Variants in AP3D1 observed in about 807,000 individuals in gnomAD.
AP3D1 encodes the protein adaptor related protein complex 3 subunit delta 1.
Under a neutral mutation model 147.6 loss-of-function variants are expected in AP3D1, and 51 were observed. The observed-to-expected ratio is 0.35, with a 90% CI of 0.28 to 0.44. The LOEUF (loss-of-function observed/expected upper bound fraction) is 0.44. AP3D1 is among the 20% of genes least tolerant of loss of function. AP3D1 has a pLI of 1.00. For synonymous variants in AP3D1, 760 were observed against 663.0 expected, an observed-to-expected ratio of 1.15 and a Z score of -2.25; for missense variants, 1,421 against 1,624.2, an observed-to-expected ratio of 0.87 and a Z score of 2.15.
rs752728639 is a variant in AP3D1, at chr19:2,102,216, C to G, written c.3605G>C (p.Ser1202Thr). The G allele has an allele frequency of 3.1e-6, 5 of 1,614,010 alleles. No homozygotes were observed. The East Asian group carries it at 1.1e-4, about 36-fold the overall frequency. Residue 1202 changes from serine to threonine, a missense_variant, in exon 32 of 32, where the codon AGC becomes ACC. Physicochemically the swap from Ser to Thr is moderately conservative, Grantham distance 58 (BLOSUM62 1). Around this residue, in one of 6 missense-constraint regions of AP3D1, gnomAD observed 17 missense variants for 17.5 expected, o/e 0.97. Transcript: ENST00000643116. ...CGCCTTCATCTCTTCTAACAAGTTGCTCAGTAGCGTGGAGTCACTGCACTT... is the reference window on the plus strand; with the variant it reads ...CGCCTTCATCTCTTCTAACAAGTTGGTCAGTAGCGTGGAGTCACTGCACTT... ...DGKCSDSTLL[S>T]NLLEEMKATL...
rs34538867 is a variant in AP3D1, at chr19:2,131,485, C to T, written c.463-948G>A. Among the ~76,000 whole-genome samples the T allele has an allele frequency of 1.4e-3, 74 of 53,980 alleles. 5 individuals are homozygous for T. The highest frequency in any genetic ancestry group is 4.1e-3 in the African/African-American group (69 of 17,012). 35.4% of individuals were successfully genotyped at this position (53,980 alleles called of 152,430 possible). A position where few individuals can be genotyped will look rare whatever the true frequency, so the allele number is the denominator to read the frequency against. ...GCCCATCGGCCACGATCTAGACACCCGGTGGACAGGCAGCCACGAGGGGAC... is the reference window on the plus strand; with the variant it reads ...GCCCATCGGCCACGATCTAGACACCTGGTGGACAGGCAGCCACGAGGGGAC... On this transcript the variant is annotated intron_variant, in intron 5 of 31. Coordinates refer to ENST00000643116, the MANE Select transcript of AP3D1 (RefSeq NM_001261826.3).
chr19:2,129,342 C>G lies in AP3D1; in HGVS notation c.708G>C (p.Trp236Cys). 1 of 1,614,000 alleles carries G rather than the reference C, an allele frequency of 6.2e-7. No homozygotes were observed. The highest frequency in any genetic ancestry group is 8.5e-7 in the Non-Finnish European group (1 of 1,180,010). ...FKLMTSSTNNWVLIKIIKLFG... is the reference protein window; with the variant it reads ...FKLMTSSTNNCVLIKIIKLFG... ...CCAGCTTGATGATCTTGATGAGGAC[C>G]CAGTTGTTGGTGGAGGACGTCATCA... The change falls in exon 7 of 32, where the codon TGG (tryptophan) becomes TGC (cysteine). Residue 236 changes from tryptophan (W) to cysteine (C), a missense_variant. Trp to Cys is a radical substitution (Grantham distance 215). Coordinates refer to ENST00000643116, the MANE Select transcript of AP3D1 (RefSeq NM_001261826.3).
At chr19:2,129,275 C>A in intron 7 of AP3D1, 43 bp downstream of exon 7, 1 of 1,604,624 alleles carries the variant, frequency 6.2e-7, no homozygotes, top group South Asian at 1.1e-5. Flanking sequence ...TGAGGGAATG[C>A]CCCACACAGG....
intron 26 of AP3D1, 103 bp from the exon 27 acceptor site, chr19:2,110,999 G>T (rs1370351598): frequency 4.7e-6 from 6 of 1,280,836 alleles, no homozygotes; most frequent in Non-Finnish European, 6.5e-6. Flanking sequence ...GGGTCCCACA[G>T]GCACAGGAAG....
chr19:2,144,001 G>T (rs534507330), intron 1 of AP3D1, among the ~76,000 whole-genome samples: 7 of 151,262 alleles, frequency 4.6e-5, no homozygotes, highest in Non-Finnish European at 8.8e-5. Context: ...CAAGAGAATC[G>T]CTTGCACCCG....
intron 22 of AP3D1, 132 bp downstream of exon 22, chr19:2,113,993 A>C: frequency 7.0e-7 from 1 of 1,430,872 alleles, no homozygotes; most frequent in African/African-American, 1.4e-5. Context: ...GCCGGGGCAC[A>C]GGGCGAGGCG....
At chr19:2,130,864 C>T (rs1447820321) in intron 5 of AP3D1, among the ~76,000 whole-genome samples, 1 of 152,256 alleles carries the variant, frequency 6.6e-6, no homozygotes, top group Non-Finnish European at 1.5e-5. Context: ...TACAGCCCAG[C>T]TCCTCACGGC....
intron 14 of AP3D1, among the ~76,000 whole-genome samples, chr19:2,119,529 T>TA (rs2018551368): frequency 6.6e-6 from 1 of 151,540 alleles, no homozygotes; most frequent in South Asian, 2.1e-4. Flanking sequence ...CCATCTCTAC[T>TA]AAAAAATGCA....
intron 1 of AP3D1, among the ~76,000 whole-genome samples, chr19:2,158,439 C>G (rs1411355539): frequency 1.3e-5 from 2 of 151,238 alleles, no homozygotes; most frequent in Non-Finnish European, 2.9e-5. Context: ...TCACTGCAGC[C>G]TCAACTCCTG....
At chr19:2,128,308 A>G (rs1440045894) in intron 8 of AP3D1, among the ~76,000 whole-genome samples, 1 of 151,948 alleles carries the variant, frequency 6.6e-6, no homozygotes, top group Non-Finnish European at 1.5e-5. Context: ...AAACGTCTCT[A>G]AGCAGCATGG....
intron 22 of AP3D1, 66 bp downstream of exon 22, chr19:2,114,059 G>A: frequency 2.7e-6 from 4 of 1,507,786 alleles, no homozygotes; most frequent in Non-Finnish European, 3.5e-6. Context: ...GCTCACCGCT[G>A]TCTCCTGGGA....
chr19:2,163,701 G>T (rs1342737097), intron 1 of AP3D1, among the ~76,000 whole-genome samples: 1 of 151,938 alleles, frequency 6.6e-6, no homozygotes, highest in Admixed American at 6.6e-5. Context: ...GGTCTCCCCG[G>T]GTCCCCGCTT....
At chr19:2,159,149 C>T (rs970417905) in intron 1 of AP3D1, among the ~76,000 whole-genome samples, 10 of 151,906 alleles carry the variant, frequency 6.6e-5, no homozygotes, top group African/African-American at 2.4e-4. Context: ...ACCACCAGGC[C>T]AGGCTAATTT....
intron 2 of AP3D1, among the ~76,000 whole-genome samples, chr19:2,138,026 A>G (rs192701660): frequency 4.6e-5 from 7 of 152,308 alleles, no homozygotes; most frequent in Non-Finnish European, 8.8e-5. Context: ...AACAGGCACT[A>G]AAAAGAGACT....
intron 26 of AP3D1, 193 bp from the exon 27 acceptor site, chr19:2,111,089 G>A: frequency 1.1e-6 from 1 of 913,942 alleles, no homozygotes. Context: ...GGACCCTCCT[G>A]CCAGTCCAAG....
chr19:2,156,031 C>T (rs1482009104), upstream of AP3D1, among the ~76,000 whole-genome samples: 8 of 143,228 alleles, frequency 5.6e-5, no homozygotes, highest in South Asian at 1.1e-3. Flanking sequence ...CCAGCCTGGA[C>T]GACAGAGCGA....
chr19:2,163,772 T>TGCGTACGTG lies in AP3D1; in HGVS notation c.-103+583_-103+584insCACGTACGC, dbSNP rs1568319392. 5.3e-5 allele frequency among the ~76,000 whole-genome samples: 8 copies of TGCGTACGTG among 150,908 alleles called. No individual in the cohort carries two copies. The South Asian group carries it at 1.5e-3, about 27-fold the overall frequency. ...CAACCGAGGACGTGCGTGCGTACGTTCGTGCGTGCGTGGATTCGGGCGGGC... is the reference window on the plus strand; with the variant it reads ...CAACCGAGGACGTGCGTGCGTACGTTGCGTACGTGCGTGCGTGCGTGGATTCGGGCGGGC... On this transcript the variant is annotated intron_variant, in intron 1 of 14. Coordinates refer to the AP3D1 transcript ENST00000643010.
intron 1 of AP3D1, 121 bp downstream of exon 1, chr19:2,151,118 G>C: frequency 4.4e-6 from 4 of 913,894 alleles, no homozygotes; most frequent in East Asian, 3.2e-5. Flanking sequence ...AGCCCTAAGC[G>C]GGACCTCCAA....
upstream of AP3D1, among the ~76,000 whole-genome samples, chr19:2,153,346 G>A (rs1300557824): frequency 7.0e-6 from 1 of 143,500 alleles, no homozygotes; most frequent in Admixed American, 7.0e-5. Flanking sequence ...TGCACTCTAG[G>A]CTGGGCAAAA....
Sources: gnomAD v4.1 joint callset for allele counts (sites outside exome capture counted in the v4.1 genomes callset) on GRCh38, gnomAD v4.1.1 for gene constraint, gnomAD v4.1.1 regional missense constraint, MANE v1.5 for transcripts, NCBI Gene and HGNC (gene_info 2026-07-23, HGNC 2026-07-21) for gene names.